Variants in RIMBP2 observed in about 807,000 individuals in gnomAD.
The protein encoded by RIMBP2 is RIMS-binding protein 2.
A neutral mutation model predicts 118.6 loss-of-function variants in RIMBP2; 48 were observed. The ratio of observed to expected loss-of-function variants is 0.40; its 90% CI spans 0.32 to 0.51. RIMBP2 has a LOEUF of 0.51. RIMBP2 is among the 20% of genes least tolerant of loss of function. RIMBP2 has a pLI of 0.41. For synonymous variants in RIMBP2, 762 were observed against 742.9 expected (o/e 1.03, Z -0.42); for missense variants, 1,551 against 1,768.3 (o/e 0.88, Z 2.20).
chr12:130,416,460 A>G (rs1398193084), intron 17 of RIMBP2, among the ~76,000 whole-genome samples: 1 of 152,234 alleles, frequency 6.6e-6, no homozygotes, highest in Non-Finnish European at 1.5e-5. Flanking sequence ...GCTGAGAAAA[A>G]TAAGCAGTGG....
At position 130,670,193 on chromosome 12, in the gene RIMBP2, C is replaced by T. The variant is rs952796615; in HGVS notation, c.-351-41737G>A. 6.6e-6 allele frequency among the ~76,000 whole-genome samples: 1 copy of T among 152,144 alleles called. No individual in the cohort carries two copies. Among genetic ancestry groups the T allele is most frequent in the East Asian group, 1.9e-4 (1 of 5,152 alleles). On this transcript the variant is annotated intron_variant, in intron 1 of 22. Transcript: ENST00000690449. This position sits in a 1 kb window ranked among gnomAD's most constrained non-coding sequence, Gnocchi z 4.9. ...GGTTGGGAGAGACAAGGAAGAGGCC[C>T]TCCCTTGAGCTCTGGGAGGGAGCAC... is the stretch of plus-strand genomic sequence containing the variant.
Position 130,422,745 on chromosome 12 carries a change from A to G in RIMBP2, c.3130-184T>C, listed in dbSNP as rs1348073839. Among the ~76,000 whole-genome samples the G allele has an allele frequency of 1.3e-5, 2 of 152,194 alleles. No individual in the cohort carries two copies. The highest frequency in any genetic ancestry group is 2.9e-5 in the Non-Finnish European group (2 of 68,036). ...GCCGGGCACCAGCACCCCACTGTCTACTCGGAGCCGCTGCTGGGCGCATGG... is the reference window on the plus strand; with the variant it reads ...GCCGGGCACCAGCACCCCACTGTCTGCTCGGAGCCGCTGCTGGGCGCATGG... On this transcript the variant is annotated intron_variant, in intron 16 of 22. Transcript: ENST00000690449. The surrounding 1 kb of genome is among the most constrained non-coding windows in gnomAD (Gnocchi z 5.2).
At chr12:130,640,655 C>T (rs1220981944) in intron 1 of RIMBP2, among the ~76,000 whole-genome samples, 4 of 152,166 alleles carry the variant, frequency 2.6e-5, no homozygotes, top group South Asian at 2.1e-4. Flanking sequence ...GGAGACACCA[C>T]GGCCGGCCCA....
chr12:130,634,595 CTTT>C lies in RIMBP2; in HGVS notation c.-351-6142_-351-6140del, dbSNP rs35020214. Among the ~76,000 whole-genome samples the C allele has an allele frequency of 3.1e-3, 464 of 149,054 alleles. 3 individuals carry two copies. The East Asian group carries it at 0.033, about 11-fold the overall frequency. The stretch of plus-strand genomic sequence containing the variant: ...GAAACCTGCCTCTCTTTAAAGATGA[CTTT>C]TTTTTTTTTTCCAGACAAGGTCTCA... On this transcript the variant is annotated intron_variant, in intron 1 of 22. Transcript: ENST00000690449.
intron 1 of RIMBP2, among the ~76,000 whole-genome samples, chr12:130,634,061 CA>C (rs1346175092): frequency 1.3e-5 from 2 of 152,204 alleles, no homozygotes; most frequent in South Asian, 2.1e-4. Flanking sequence ...TAATGAGTCA[CA>C]GGGGGGACAA....
chr12:130,634,444 A>G (rs1407455810), intron 1 of RIMBP2, among the ~76,000 whole-genome samples: 1 of 152,104 alleles, frequency 6.6e-6, no homozygotes, highest in African/African-American at 2.4e-5. Flanking sequence ...CAAATGAACA[A>G]TTAGCCTCAG....
chr12:130,448,402 T>G (rs191338415), intron 9 of RIMBP2, among the ~76,000 whole-genome samples: 801 of 152,320 alleles, frequency 5.3e-3, no homozygotes, highest in Middle Eastern at 0.017. Flanking sequence ...GTAGGTCGCA[T>G]GTGGCAGCCT....
At chr12:130,595,852 A>G (rs1381945141) in intron 2 of RIMBP2, among the ~76,000 whole-genome samples, 1 of 152,210 alleles carries the variant, frequency 6.6e-6, no homozygotes, top group African/African-American at 2.4e-5. Context: ...AGTTTCTGAA[A>G]TCAAGTGTGC....
At position 130,710,758 on chromosome 12, in the gene RIMBP2, C is replaced by T. The variant is rs976603085; in HGVS notation, c.-352+5464G>A. Among the ~76,000 whole-genome samples the T allele has an allele frequency of 1.3e-5, 2 of 152,216 alleles. No individual in the cohort carries two copies. The highest frequency in any genetic ancestry group is 2.9e-5 in the Non-Finnish European group (2 of 68,046). ...CTCTCCAGCAAGTGCTTATCCAGCA[C>T]CTACTAATGACAGACCACAAAACAC... On this transcript the variant is annotated intron_variant, in intron 1 of 22. Coordinates refer to ENST00000690449, the MANE Select transcript of RIMBP2 (RefSeq NM_001393629.1). The surrounding 1 kb of genome is among the most constrained non-coding windows in gnomAD (Gnocchi z 4.3).
In RIMBP2 at chr12:130,431,389, C is replaced by T. The variant is rs755559994; in HGVS notation, c.2254-3052G>A. ...GTTGTAAAACTGGCAGTCTGTGCAC[C>T]AGCTCAACTTCAGTCACTCCCTACC... On this transcript the variant is annotated intron_variant, in intron 14 of 22. Transcript: ENST00000690449. The surrounding 1 kb of genome is among the most constrained non-coding windows in gnomAD (Gnocchi z 4.0). 5 of 380,322 alleles carry T rather than the reference C, an allele frequency of 1.3e-5. No individual in the cohort carries two copies. The highest frequency in any genetic ancestry group is 2.7e-5 in the Non-Finnish European group (5 of 182,420). The allele number at this position is 380,322 out of a possible 1,614,324, so 23.6% of individuals were successfully genotyped here. A position where few individuals can be genotyped will look rare whatever the true frequency, so the allele number is the denominator to read the frequency against.
At chr12:130,573,469 T>C (rs2057850084) in intron 2 of RIMBP2, among the ~76,000 whole-genome samples, 1 of 152,032 alleles carries the variant, frequency 6.6e-6, no homozygotes. Flanking sequence ...CATGTGGGTG[T>C]GCAAGTGTGA....
chr12:130,397,271 G>GT lies in RIMBP2; in HGVS notation c.*89dup, dbSNP rs368009873. On this transcript the variant is annotated 3_prime_UTR_variant, in exon 23 of 23. Transcript: ENST00000690449. ...TACTGGTGTCAGGGGAGAAGATTGGGTTTTTTTAGGAAGTACTTGAGTCAT... is the reference window on the plus strand; with the variant it reads ...TACTGGTGTCAGGGGAGAAGATTGGGTTTTTTTTAGGAAGTACTTGAGTCAT... 1,313 of 396,510 alleles carry GT rather than the reference G, an allele frequency of 3.3e-3. 7 individuals are homozygous for GT. The highest frequency in any genetic ancestry group is 0.012 in the African/African-American group (601 of 48,662). The allele number at this position is 396,510 out of a possible 1,614,324, so 24.6% of individuals were successfully genotyped here. A position where few individuals can be genotyped will look rare whatever the true frequency, so the allele number is the denominator to read the frequency against.
At position 130,459,061 on chromosome 12, in the gene RIMBP2, A is replaced by AC. The variant is rs55748507; in HGVS notation, c.154-2362_154-2361insG. ...CTCTGTCTCAAAAAAAAAAAAAAAC[A>AC]AAAAAAAAGTGAATAGACTTTTCAT... On this transcript the variant is annotated intron_variant, in intron 6 of 22. Transcript: ENST00000690449. Among the ~76,000 whole-genome samples, 22 of 8,634 alleles carry AC rather than the reference A, an allele frequency of 2.5e-3. No homozygotes were observed. In the South Asian group the frequency reaches 0.035, roughly 14 times the overall value. The allele number at this position is 8,634 out of a possible 152,430, so 5.7% of individuals were successfully genotyped here. A position where few individuals can be genotyped will look rare whatever the true frequency, so the allele number is the denominator to read the frequency against.
intron 19 of RIMBP2, among the ~76,000 whole-genome samples, chr12:130,411,438 G>T (rs1448793367): frequency 6.6e-6 from 1 of 152,190 alleles, no homozygotes; most frequent in African/African-American, 2.4e-5. Context: ...CTGGTATTAG[G>T]AGGATCACAT....
At chr12:130,423,571 G>T (rs1212548892) in intron 16 of RIMBP2, among the ~76,000 whole-genome samples, 1 of 147,504 alleles carries the variant, frequency 6.8e-6, no homozygotes, top group Non-Finnish European at 1.5e-5. Context: ...CCGGCGGGGA[G>T]AAGGCTGATC....
At chr12:130,702,018 C>T (rs1189382975) in intron 1 of RIMBP2, among the ~76,000 whole-genome samples, 35 of 152,150 alleles carry the variant, frequency 2.3e-4, no homozygotes, top group Admixed American at 2.2e-3. Flanking sequence ...GATGTTGCTC[C>T]CTGTGGCCAG....
chr12:130,646,085 A>AC (rs1566421947), intron 1 of RIMBP2, among the ~76,000 whole-genome samples: 1 of 131,478 alleles, frequency 7.6e-6, no homozygotes, highest in African/African-American at 2.9e-5. Context: ...CTCCCTCACC[A>AC]CTTCCCTCTC....
intron 1 of RIMBP2, among the ~76,000 whole-genome samples, chr12:130,708,924 G>A (rs1395570378): frequency 2.0e-5 from 3 of 152,112 alleles, no homozygotes; most frequent in Non-Finnish European, 2.9e-5. Context: ...TTTGAAACTG[G>A]GCCCATCTCT....
intron 5 of RIMBP2, among the ~76,000 whole-genome samples, chr12:130,470,966 C>T (rs1487936266): frequency 2.0e-5 from 3 of 152,200 alleles, no homozygotes; most frequent in Non-Finnish European, 1.5e-5. Flanking sequence ...GGGTCTGGGA[C>T]ACAGATTATT....
Sources: gnomAD v4.1 joint callset for allele counts (sites outside exome capture counted in the v4.1 genomes callset) on GRCh38, gnomAD v4.1.1 for gene constraint, Gnocchi (gnomAD v3.1) non-coding constraint, MANE v1.5 for transcripts, NCBI Gene and HGNC (gene_info 2026-07-23, HGNC 2026-07-21) for gene names.